Variants in DBF4B observed in about 807,000 individuals in gnomAD.
The protein encoded by DBF4B is protein DBF4 homolog B.
A neutral mutation model predicts 53.4 loss-of-function variants in DBF4B; 49 were observed. The ratio of observed to expected loss-of-function variants is 0.92; its 90% CI spans 0.73 to 1.16. DBF4B has a LOEUF of 1.16. Among genes scored for constraint, DBF4B ranks in the 50% most tolerant of loss-of-function variants. The pLI, the probability that DBF4B is intolerant of heterozygous loss-of-function variation, is 0.00. For synonymous variants in DBF4B, 257 were observed against 288.7 expected (o/e 0.89, Z 1.11); for missense variants, 692 against 775.0 (o/e 0.89, Z 1.27).
At chr17:44,710,618 G>C (rs970467341) in intron 2 of DBF4B, among the ~76,000 whole-genome samples, 6 of 152,120 alleles carry the variant, frequency 3.9e-5, no homozygotes, top group African/African-American at 1.4e-4. Flanking sequence ...AGGCTGGAGT[G>C]CAGTGGAGCA....
rs2049219730 is a variant in DBF4B at position 44,749,458 on chromosome 17, A to G, written c.1189+993A>G. The G allele has an allele frequency of 1.6e-6, 2 of 1,288,678 alleles. No individual in the cohort carries two copies. Among genetic ancestry groups the G allele is most frequent in the Admixed American group, 4.6e-5 (2 of 43,528 alleles). The allele number at this position is 1,288,678 out of a possible 1,614,324, so 79.8% of individuals were successfully genotyped here. On this transcript the variant is annotated intron_variant, in intron 13 of 13. Coordinates refer to ENST00000315005, the MANE Select transcript of DBF4B (RefSeq NM_145663.3). This position sits in a 1 kb window ranked among gnomAD's most constrained non-coding sequence, Gnocchi z 4.4. Reference sequence around the variant, plus strand: ...GGGCAGAACCCCAGGACTTCCCCAAAAGAGCTAGAAGGAGGCCCGGGCCTG... The same window carrying G: ...GGGCAGAACCCCAGGACTTCCCCAAGAGAGCTAGAAGGAGGCCCGGGCCTG...
At chr17:44,711,796 C>T (rs1215302022) in intron 2 of DBF4B, among the ~76,000 whole-genome samples, 2 of 151,982 alleles carry the variant, frequency 1.3e-5, no homozygotes, top group East Asian at 1.9e-4. Context: ...ATTAGCCGGG[C>T]GTGGTGGCAG....
intron 3 of DBF4B, among the ~76,000 whole-genome samples, chr17:44,729,683 TACACACACACACACAC>T (rs71361592): frequency 4.9e-4 from 68 of 138,256 alleles, no homozygotes; most frequent in Middle Eastern, 3.7e-3. Flanking sequence ...GTAATACACA[TACACACACACACACAC>T]ACACACACAC....
chr17:44,748,776 C>T (rs2049181819), intron 13 of DBF4B: 4 of 1,317,104 alleles, frequency 3.0e-6, no homozygotes, highest in Non-Finnish European at 4.0e-6. Flanking sequence ...CATTTTTTGT[C>T]CCAATAGCCC....
chr17:44,735,107 T>TA (rs1975244083), intron 7 of DBF4B, among the ~76,000 whole-genome samples: 1 of 151,280 alleles, frequency 6.6e-6, no homozygotes, highest in Non-Finnish European at 1.5e-5. Flanking sequence ...CAAAAAAACA[T>TA]AAAAAAATAG....
rs185170209 is a variant in DBF4B, at chr17:44,709,844, A to C, written c.82+478A>C. Among the ~76,000 whole-genome samples the C allele has an allele frequency of 2.2e-4, 34 of 151,912 alleles. 1 individual carries two copies. In the East Asian group the frequency reaches 5.2e-3, roughly 23 times the overall value. ...TACCTAATTAGGTAAGTATTTTAGC[A>C]CATGGCACTTCCCTCCGTACTGCCC... On this transcript the variant is annotated intron_variant, in intron 2 of 13. Transcript: ENST00000315005.
At chr17:44,722,815 G>A (rs2144849592) in intron 2 of DBF4B, 65 bp from the exon 3 acceptor site, 1 of 1,586,280 alleles carries the variant, frequency 6.3e-7, no homozygotes. Flanking sequence ...CTGTCAGTGA[G>A]GGCCACCTGG....
chr17:44,748,677 A>G (rs2049177532), intron 13 of DBF4B: 7 of 1,452,754 alleles, frequency 4.8e-6, no homozygotes, highest in Non-Finnish European at 6.4e-6. Flanking sequence ...CCTCTGGCCC[A>G]GACCTGGCAC....
At chr17:44,729,726 ACC>A (rs71361593) in intron 3 of DBF4B, among the ~76,000 whole-genome samples, 177 bp from the exon 4 acceptor site, 103 of 144,222 alleles carry the variant, frequency 7.1e-4, no homozygotes, top group African/African-American at 2.6e-3. Flanking sequence ...ACACACACAC[ACC>A]CCATTAGATT....
intron 10 of DBF4B, among the ~76,000 whole-genome samples, chr17:44,743,398 A>C (rs965049585): frequency 1.3e-5 from 2 of 152,156 alleles, no homozygotes; most frequent in Non-Finnish European, 2.9e-5. Context: ...AAAAGTTTAA[A>C]ATTTGTGTTA....
intron 3 of DBF4B, among the ~76,000 whole-genome samples, chr17:44,729,212 T>C (rs1182254228): frequency 2.0e-5 from 3 of 151,706 alleles, no homozygotes; most frequent in Admixed American, 6.6e-5. Flanking sequence ...CCTTTTTTTT[T>C]CTTTTTTTTT....
chr17:44,736,072 C>T (rs560928188), intron 7 of DBF4B, among the ~76,000 whole-genome samples: 175 of 152,180 alleles, frequency 1.1e-3, no homozygotes, highest in African/African-American at 4.0e-3. Context: ...ACCTCCACCT[C>T]CTGGGCTCAA....
chr17:44,724,802 A>C (rs1017931870), intron 3 of DBF4B, among the ~76,000 whole-genome samples: 1 of 152,178 alleles, frequency 6.6e-6, no homozygotes, highest in African/African-American at 2.4e-5. Flanking sequence ...CAACATAGTG[A>C]GACCTCATCT....
At chr17:44,746,931 G>A (rs2049110021) in intron 10 of DBF4B, 152 bp from the exon 11 acceptor site, 3 of 677,154 alleles carry the variant, frequency 4.4e-6, no homozygotes, top group African/African-American at 3.6e-5. Flanking sequence ...TTGGTACCAA[G>A]CTCAGGGAAG....
chr17:44,713,338 G>T (rs554372854), intron 2 of DBF4B, among the ~76,000 whole-genome samples: 2 of 146,802 alleles, frequency 1.4e-5, no homozygotes, highest in South Asian at 2.4e-4. Flanking sequence ...ACCACGCCCC[G>T]CCGACATTAT....
intron 12 of DBF4B, 42 bp downstream of exon 12, chr17:44,747,557 C>T: frequency 1.2e-6 from 2 of 1,606,336 alleles, no homozygotes; most frequent in South Asian, 2.2e-5. Context: ...CTGCTCTCTC[C>T]TCTGTTGCCC....
Position 44,749,339 on chromosome 17 carries a change from A to C in DBF4B, c.1189+874A>C. 1 of 1,289,888 alleles carries C rather than the reference A, an allele frequency of 7.8e-7. No homozygotes were observed. The highest frequency in any genetic ancestry group is 1.0e-6 in the Non-Finnish European group (1 of 988,834). The allele number at this position is 1,289,888 out of a possible 1,614,324, so 79.9% of individuals were successfully genotyped here. On this transcript the variant is annotated intron_variant, in intron 13 of 13. Transcript: ENST00000315005. The surrounding 1 kb of genome is among the most constrained non-coding windows in gnomAD (Gnocchi z 4.4). ...GTCCCCAAGGTGCTTGGCTCTTCAC[A>C]GGGCCAGGCAGCTCCAGATTGAAGG...
rs145794455 is a variant in DBF4B, at chr17:44,722,918, C to T, written c.121C>T (p.Pro41Ser). The T allele has an allele frequency of 6.2e-7, 1 of 1,614,190 alleles. No individual in the cohort carries two copies. The highest frequency in any genetic ancestry group is 8.5e-7 in the Non-Finnish European group (1 of 1,180,032). ...TCTAGGAAAATGCCAGAAGAACTCA[C>T]CAGGTGCCAGGAAGCATCCCTTTTC... is the stretch of plus-strand genomic sequence containing the variant. ...RCLGKCQKNS[P>S]GARKHPFSGK... Residue 41 changes from proline to serine, a missense_variant, in exon 3 of 14, where the codon CCA becomes TCA. By Grantham distance (74) the Pro-to-Ser change is moderately conservative. Around this residue, in one of 3 missense-constraint regions of DBF4B, gnomAD observed 66 missense variants for 51.3 expected, o/e 1.29. Coordinates refer to ENST00000315005, the MANE Select transcript of DBF4B (RefSeq NM_145663.3).
At chr17:44,729,044 C>A (rs1460593588) in intron 3 of DBF4B, among the ~76,000 whole-genome samples, 2 of 151,294 alleles carry the variant, frequency 1.3e-5, no homozygotes, top group Non-Finnish European at 2.9e-5. Context: ...TAGAGTGAGC[C>A]GAGATCATGC....
Sources: allele counts gnomAD v4.1 joint callset (sites outside exome capture counted in the v4.1 genomes callset), GRCh38; gene constraint gnomAD v4.1.1; regional missense constraint gnomAD v4.1.1; non-coding constraint Gnocchi (gnomAD v3.1); transcripts MANE v1.5; gene names NCBI Gene and HGNC (gene_info 2026-07-23, HGNC 2026-07-21).